RASGRF2: variants seen among roughly 807,000 people sequenced by gnomAD.
RASGRF2 encodes the protein Ras protein specific guanine nucleotide releasing factor 2, also known as ras-specific guanine nucleotide-releasing factor 2.
In RASGRF2, 76 loss-of-function variants were observed where a neutral mutation model predicts 151.0. The ratio of observed to expected loss-of-function variants is 0.50; its 90% CI spans 0.42 to 0.61. RASGRF2 has a LOEUF of 0.61. Among genes scored for constraint, RASGRF2 ranks in the 20% least tolerant of loss-of-function variants. The probability of loss-of-function intolerance (pLI) is 0.00; values close to 1 mark genes in which losing one functional copy is unlikely to be tolerated. For missense variants in RASGRF2, 1,148 were observed against 1,564.6 expected (o/e 0.73, Z 4.49); for synonymous variants, 504 against 566.5 (o/e 0.89, Z 1.57).
At position 81,072,330 on chromosome 5, in the gene RASGRF2, A is replaced by G. The variant is rs146994128; in HGVS notation, c.634-869A>G. Among the ~76,000 whole-genome samples the G allele has an allele frequency of 1.3e-3, 204 of 152,332 alleles. 1 individual carries two copies. The highest frequency in any genetic ancestry group is 4.7e-3 in the African/African-American group (196 of 41,586). On this transcript the variant is annotated intron_variant, in intron 4 of 26. Coordinates refer to ENST00000265080, the MANE Select transcript of RASGRF2 (RefSeq NM_006909.3). ...TAATGCCTGTATAAAAACTGATAAC[A>G]TGGTGACGACACTGGTAGGCAGGCA...
chr5:81,074,009 G>C (rs1182607233), intron 5 of RASGRF2, among the ~76,000 whole-genome samples: 1 of 152,142 alleles, frequency 6.6e-6, no homozygotes, highest in African/African-American at 2.4e-5. Flanking sequence ...TTATCGCATG[G>C]AGATGTGTGT....
chr5:81,078,736 A>G (rs1416080865), intron 5 of RASGRF2, among the ~76,000 whole-genome samples: 1 of 152,228 alleles, frequency 6.6e-6, no homozygotes, highest in African/African-American at 2.4e-5. Context: ...CTAACCATCC[A>G]GGTATCAAAA....
chr5:81,111,539 A>G (rs761012248), intron 13 of RASGRF2, among the ~76,000 whole-genome samples: 2 of 152,204 alleles, frequency 1.3e-5, no homozygotes, highest in South Asian at 2.1e-4. Context: ...TAATAAAAAC[A>G]TAACATGTCA....
intron 15 of RASGRF2, among the ~76,000 whole-genome samples, chr5:81,122,468 C>T (rs1211633720): frequency 6.6e-6 from 1 of 152,168 alleles, no homozygotes; most frequent in Non-Finnish European, 1.5e-5. Flanking sequence ...ATTTCCTTTT[C>T]CTGGCCCCTT....
At chr5:80,996,533 TCCCCCTCCTCCTCCTCCCCC>T (rs1748881975) in intron 1 of RASGRF2, among the ~76,000 whole-genome samples, 1 of 36,526 alleles carries the variant, frequency 2.7e-5, no homozygotes, top group African/African-American at 1.2e-4. Flanking sequence ...CTCCTCCTCC[TCCCCCTCCTCCTCCTCCCCC>T]TCCTCCTCCT....
intron 17 of RASGRF2, among the ~76,000 whole-genome samples, chr5:81,139,273 A>G (rs1281647320): frequency 6.6e-6 from 1 of 152,088 alleles, no homozygotes; most frequent in African/African-American, 2.4e-5. Context: ...TTCATTTATT[A>G]GTTCTACTAG....
At chr5:81,074,677 G>A (rs1404397452) in intron 5 of RASGRF2, among the ~76,000 whole-genome samples, 1 of 152,066 alleles carries the variant, frequency 6.6e-6, no homozygotes, top group Non-Finnish European at 1.5e-5. Context: ...TACCTAAAGA[G>A]CATTCTATTA....
intron 17 of RASGRF2, among the ~76,000 whole-genome samples, chr5:81,168,702 T>A (rs529541743): frequency 6.6e-6 from 1 of 152,324 alleles, no homozygotes; most frequent in African/African-American, 2.4e-5. Flanking sequence ...TGGCCATACT[T>A]AATGTCTCCA....
chr5:80,971,484 C>T lies in RASGRF2; in HGVS notation c.288+10458C>T, dbSNP rs754468314. On this transcript the variant is annotated intron_variant, in intron 1 of 26. Transcript: ENST00000265080. ...ATGTGATCATGGCTCACTGCAGCCT[C>T]GACACCTCCTCAGGCTTAAGTGATC... 3.3e-5 allele frequency among the ~76,000 whole-genome samples: 5 copies of T among 151,592 alleles called. No individual in the cohort carries two copies. The East Asian group carries it at 7.7e-4, about 23-fold the overall frequency.
At chr5:80,984,273 C>T (rs967989082) in intron 1 of RASGRF2, among the ~76,000 whole-genome samples, 1 of 152,192 alleles carries the variant, frequency 6.6e-6, no homozygotes, top group Non-Finnish European at 1.5e-5. Flanking sequence ...CAGCTGGTCA[C>T]GAGCTCCTGG....
At chr5:81,062,191 G>A (rs866859085) in intron 2 of RASGRF2, among the ~76,000 whole-genome samples, 32 of 152,004 alleles carry the variant, frequency 2.1e-4, no homozygotes, top group Non-Finnish European at 4.4e-5. Context: ...ATTACATTGT[G>A]TGAAGCCCTT....
chr5:81,125,803 G>T (rs1753437530), intron 16 of RASGRF2, among the ~76,000 whole-genome samples: 1 of 152,212 alleles, frequency 6.6e-6, no homozygotes, highest in Non-Finnish European at 1.5e-5. Flanking sequence ...CAAATCCTTT[G>T]TTTCTTCCCT....
In RASGRF2 at chr5:81,227,450, G is replaced by A. The variant is rs546475214; in HGVS notation, c.*1680G>A. Reference sequence around the variant, plus strand: ...AACAGTGTAGCACTCAACCCAAGGAGGGTTCCTTATGGATGCTTTCTTTTT... The same window carrying A: ...AACAGTGTAGCACTCAACCCAAGGAAGGTTCCTTATGGATGCTTTCTTTTT... On this transcript the variant is annotated 3_prime_UTR_variant, in exon 27 of 27. Transcript: ENST00000265080. 1 of 152,294 alleles carries A rather than the reference G, an allele frequency of 6.6e-6. No individual in the cohort carries two copies. The highest frequency in any genetic ancestry group is 2.1e-4 in the South Asian group (1 of 4,820). The allele number at this position is 152,294 out of a possible 1,614,324, so 9.4% of individuals were successfully genotyped here. A position where few individuals can be genotyped will look rare whatever the true frequency, so the allele number is the denominator to read the frequency against.
intron 1 of RASGRF2, among the ~76,000 whole-genome samples, chr5:81,040,877 G>T (rs1354451132): frequency 1.3e-5 from 2 of 152,152 alleles, no homozygotes; most frequent in Non-Finnish European, 2.9e-5. Flanking sequence ...AAATAAAATG[G>T]GGTAGAGATG....
At chr5:81,060,857 C>A (rs936491066) in intron 2 of RASGRF2, among the ~76,000 whole-genome samples, 2 of 152,126 alleles carry the variant, frequency 1.3e-5, no homozygotes, top group Admixed American at 6.5e-5. Flanking sequence ...TTAAAAATCA[C>A]CCATAATTGC....
intron 17 of RASGRF2, among the ~76,000 whole-genome samples, chr5:81,149,408 A>G (rs926292796): frequency 6.6e-6 from 1 of 152,182 alleles, no homozygotes; most frequent in Non-Finnish European, 1.5e-5. Flanking sequence ...GTTCTCACTT[A>G]TAAGTGGGAG....
intron 2 of RASGRF2, among the ~76,000 whole-genome samples, 195 bp downstream of exon 2, chr5:81,043,178 T>C (rs1191716409): frequency 6.6e-6 from 1 of 152,202 alleles, no homozygotes; most frequent in African/African-American, 2.4e-5. Context: ...TGGTAATAGA[T>C]ACAATGATAA....
intron 13 of RASGRF2, among the ~76,000 whole-genome samples, chr5:81,110,937 G>C (rs17212948): frequency 0.32 from 47,999 of 152,104 alleles, 8,069 homozygotes; most frequent in Middle Eastern, 0.59. Context: ...GGCCACCCCA[G>C]TCAGCTCCTT....
chr5:81,066,106 A>C (rs1751592554), intron 2 of RASGRF2, among the ~76,000 whole-genome samples: 1 of 152,168 alleles, frequency 6.6e-6, no homozygotes. Flanking sequence ...AAAACTGATG[A>C]GAAAGGCAGA....
Sources: gnomAD v4.1 joint callset for allele counts (sites outside exome capture counted in the v4.1 genomes callset) on GRCh38, gnomAD v4.1.1 for gene constraint, MANE v1.5 for transcripts, NCBI Gene and HGNC (gene_info 2026-07-23, HGNC 2026-07-21) for gene names.